Variants in ZMIZ1 observed in about 807,000 individuals in gnomAD.
ZMIZ1 encodes zinc finger MIZ-type containing 1.
A neutral mutation model predicts 113.9 loss-of-function variants in ZMIZ1; 17 were observed. The observed-to-expected ratio is 0.15, with a 90% CI of 0.10 to 0.22. The LOEUF is 0.22. Among genes scored for constraint, ZMIZ1 ranks in the 10% least tolerant of loss-of-function variants. The pLI is 1.00. For missense variants in ZMIZ1, 1,059 were observed against 1,477.8 expected (o/e 0.72, Z 4.65); for synonymous variants, 607 against 603.1 (o/e 1.01, Z -0.09).
At chr10:79,119,321 C>T (rs948858084) in intron 2 of ZMIZ1, among the ~76,000 whole-genome samples, 1 of 152,186 alleles carries the variant, frequency 6.6e-6, no homozygotes, top group African/African-American at 2.4e-5. Flanking sequence ...GCTTTCTACT[C>T]TAGTCCATGG....
intron 8 of ZMIZ1, among the ~76,000 whole-genome samples, chr10:79,287,958 G>A (rs1431540284): frequency 1.3e-5 from 2 of 152,232 alleles, no homozygotes; most frequent in East Asian, 3.8e-4. Context: ...GCCAGGGTGA[G>A]GGGGCAGGCA....
chr10:79,275,893 A>G (rs1242397088), intron 7 of ZMIZ1, among the ~76,000 whole-genome samples: 1 of 152,224 alleles, frequency 6.6e-6, no homozygotes, highest in East Asian at 1.9e-4. Flanking sequence ...GTCAAGAAAA[A>G]AAAAGGATGC....
intron 2 of ZMIZ1, among the ~76,000 whole-genome samples, chr10:79,126,972 G>A (rs1276482332): frequency 6.6e-6 from 1 of 152,302 alleles, no homozygotes; most frequent in East Asian, 1.9e-4. Flanking sequence ...CAACCTGAGA[G>A]GATGAGGGAT....
At chr10:79,124,391 A>G (rs1844426667) in intron 2 of ZMIZ1, among the ~76,000 whole-genome samples, 1 of 152,250 alleles carries the variant, frequency 6.6e-6, no homozygotes, top group African/African-American at 2.4e-5. Context: ...CACAGGTTAT[A>G]GTGGAGCTAG....
Position 79,069,656 on chromosome 10 carries a change from C to G in ZMIZ1, c.-337+386C>G, listed in dbSNP as rs1041847473. 6.6e-6 allele frequency among the ~76,000 whole-genome samples: 1 copy of G among 152,068 alleles called. No homozygotes were observed. Among genetic ancestry groups the G allele is most frequent in the Non-Finnish European group, 1.5e-5 (1 of 67,998 alleles). On this transcript the variant is annotated intron_variant, in intron 1 of 24. Transcript: ENST00000334512. This position sits in a 1 kb window ranked among gnomAD's most constrained non-coding sequence, Gnocchi z 4.6. ...GGAATCGGAGGAGGGAGGGAAGGACCGCCTCGGTCTCCTTCGCCTCCTCTG... is the reference window on the plus strand; with the variant it reads ...GGAATCGGAGGAGGGAGGGAAGGACGGCCTCGGTCTCCTTCGCCTCCTCTG...
chr10:79,298,311 C>T (rs1322520641), intron 14 of ZMIZ1, 95 bp from the exon 15 acceptor site: 3 of 1,387,844 alleles, frequency 2.2e-6, no homozygotes, highest in Non-Finnish European at 9.7e-7. Context: ...GGCATGGCTC[C>T]AGGCCCCTGG....
Position 79,081,000 on chromosome 10 carries a change from C to T in ZMIZ1, c.-337+11730C>T, listed in dbSNP as rs560124191. ...CCCATCTCATCTGATGCCTGTCATA[C>T]GGATGACTTATGCCCCATCTACGCT... On this transcript the variant is annotated intron_variant, in intron 1 of 24. Coordinates refer to ENST00000334512, the MANE Select transcript of ZMIZ1 (RefSeq NM_020338.4). Among the ~76,000 whole-genome samples the T allele has an allele frequency of 5.9e-5, 9 of 152,260 alleles. No individual in the cohort carries two copies. In the East Asian group the frequency reaches 7.7e-4, roughly 13 times the overall value.
chr10:79,163,871 T>C (rs1846211564), intron 4 of ZMIZ1, among the ~76,000 whole-genome samples: 1 of 152,354 alleles, frequency 6.6e-6, no homozygotes, highest in South Asian at 2.1e-4. Context: ...GGGAACCCCC[T>C]GCTAATTGTC....
At chr10:79,213,516 C>T (rs1208571587) in intron 6 of ZMIZ1, among the ~76,000 whole-genome samples, 1 of 152,204 alleles carries the variant, frequency 6.6e-6, no homozygotes, top group Non-Finnish European at 1.5e-5. Flanking sequence ...CTCCCTGCTC[C>T]AGCACCCACC....
chr10:79,289,895 A>G lies in ZMIZ1; in HGVS notation c.540+6A>G. The G allele has an allele frequency of 3.7e-6, 6 of 1,612,926 alleles. No homozygotes were observed. The highest frequency in any genetic ancestry group is 5.1e-6 in the Non-Finnish European group (6 of 1,179,054). ...CCAACACATCCCAGAGCCAGGTAAG[A>G]GCCTATACTGCCCTCAGCCACAGCT... On this transcript the variant is annotated splice_donor_region_variant and intron_variant, in intron 9 of 24. Coordinates refer to ENST00000334512, the MANE Select transcript of ZMIZ1 (RefSeq NM_020338.4).
At chr10:79,242,539 GCCCTCCCCTC>G (rs543878844) in intron 7 of ZMIZ1, among the ~76,000 whole-genome samples, 3,216 of 131,162 alleles carry the variant, frequency 0.025, 124 homozygotes, top group African/African-American at 0.086. Flanking sequence ...GCCTAGCCCC[GCCCTCCCCTC>G]CCCTCCCCTC....
chr10:79,122,539 TG>T, intron 2 of ZMIZ1, among the ~76,000 whole-genome samples: 2 of 152,282 alleles, frequency 1.3e-5, no homozygotes, highest in East Asian at 3.9e-4. Flanking sequence ...CATCTCTCCT[TG>T]GCAGACTCAC....
chr10:79,275,361 A>C (rs12571038), intron 7 of ZMIZ1, among the ~76,000 whole-genome samples: 8 of 152,134 alleles, frequency 5.3e-5, no homozygotes, highest in Non-Finnish European at 1.2e-4. Context: ...TAGCTCATCC[A>C]CCAGGCCCCC....
chr10:79,123,386 T>C (rs575370384), intron 2 of ZMIZ1, among the ~76,000 whole-genome samples: 5 of 152,296 alleles, frequency 3.3e-5, no homozygotes, highest in Admixed American at 6.5e-5. Flanking sequence ...AATATCCCTC[T>C]AGTTGGGAGG....
chr10:79,176,053 A>C (rs973393663), intron 4 of ZMIZ1, among the ~76,000 whole-genome samples: 1 of 152,034 alleles, frequency 6.6e-6, no homozygotes. Context: ...AAACCAGGGC[A>C]CAGGGAGGGC....
chr10:79,212,512 A>C (rs1848566310), intron 6 of ZMIZ1, among the ~76,000 whole-genome samples: 1 of 152,132 alleles, frequency 6.6e-6, no homozygotes, highest in African/African-American at 2.4e-5. Context: ...ATGGTGGCTC[A>C]TGCCTATAAT....
chr10:79,102,908 C>G (rs916732627), intron 1 of ZMIZ1, among the ~76,000 whole-genome samples: 5 of 152,184 alleles, frequency 3.3e-5, no homozygotes, highest in Non-Finnish European at 5.9e-5. Context: ...AGCCAGTGAT[C>G]TAAACATTGG....
chr10:79,090,224 G>T (rs1489514138), intron 1 of ZMIZ1, among the ~76,000 whole-genome samples: 1 of 152,244 alleles, frequency 6.6e-6, no homozygotes, highest in Non-Finnish European at 1.5e-5. Context: ...CAGGTGCAGT[G>T]CCTGGGGTGC....
chr10:79,168,194 C>T (rs1273460478), intron 4 of ZMIZ1, among the ~76,000 whole-genome samples: 1 of 152,224 alleles, frequency 6.6e-6, no homozygotes, highest in Non-Finnish European at 1.5e-5. Flanking sequence ...GGCAGTGTGG[C>T]AGGGAGTCAT....
Sources: allele counts gnomAD v4.1 joint callset (sites outside exome capture counted in the v4.1 genomes callset), GRCh38; gene constraint gnomAD v4.1.1; non-coding constraint Gnocchi (gnomAD v3.1); transcripts MANE v1.5; gene names NCBI Gene and HGNC (gene_info 2026-07-23, HGNC 2026-07-21).